The following ABCA2 variants were observed in gnomAD, a reference collection of about 807,000 sequenced individuals.
ABCA2 encodes ATP binding cassette subfamily A member 2.
A neutral mutation model predicts 262.8 loss-of-function variants in ABCA2; 84 were observed. The observed-to-expected ratio is 0.32, with a 90% CI of 0.27 to 0.38. ABCA2 has a LOEUF of 0.38. ABCA2 is among the 10% of genes least tolerant of loss of function. ABCA2 has a pLI of 1.00. For missense variants in ABCA2, 2,662 were observed against 3,405.9 expected, an observed-to-expected ratio of 0.78 and a Z score of 5.44; for synonymous variants, 1,696 against 1,502.9, an observed-to-expected ratio of 1.13 and a Z score of -2.97.
At chr9:137,027,855 C>G (rs1831706356) in intron 1 of ABCA2, 1 of 153,624 alleles carries the variant, frequency 6.5e-6, no homozygotes, top group South Asian at 2.1e-4. Context: ...TGTCAGCGGA[C>G]GCGGGACCGG....
chr9:137,010,229 C>T lies in ABCA2; in HGVS notation c.6317G>A (p.Ser2106Asn), dbSNP rs747681065. The T allele has an allele frequency of 4.3e-5, 69 of 1,604,886 alleles. No individual in the cohort carries two copies. Among genetic ancestry groups the T allele is most frequent in the Non-Finnish European group, 5.9e-5 (69 of 1,177,742 alleles). ...STFKMLTGDESTTGGEAFVNG... is the reference protein window; with the variant it reads ...STFKMLTGDENTTGGEAFVNG... ...GACGAAGGCCTCGCCCCCCGTCGTG[C>T]TCTCGTCGCCGGTCAGCATCTTGAA... Residue 2106 changes from serine to asparagine, a missense_variant, in exon 41 of 49, where the codon AGC becomes AAC. Transcript: ENST00000341511.
At chr9:137,012,051 G>A (rs373250757) in intron 34 of ABCA2, 33 bp from the exon 35 acceptor site, 65 of 1,612,296 alleles carry the variant, frequency 4.0e-5, no homozygotes, top group African/African-American at 1.2e-4. Context: ...CCTCACGGCC[G>A]GGGCTGCAGT....
chr9:137,009,332 G>GGCCCCCCCCCCCCCCC, intron 45 of ABCA2, 38 bp downstream of exon 45: 17 of 980,400 alleles, frequency 1.7e-5, no homozygotes, highest in Non-Finnish European at 2.3e-5. Flanking sequence ...CCCCCCCCGG[G>GGCCCCCCCCCCCCCCC]CCCGCCCCAG....
intron 24 of ABCA2, 147 bp from the exon 25 acceptor site, chr9:137,015,244 G>A (rs1159296122): frequency 1.7e-5 from 21 of 1,212,496 alleles, no homozygotes; most frequent in South Asian, 1.7e-4. Flanking sequence ...GTGACGCTGA[G>A]GACCCAGCCT....
At chr9:137,028,867 C>T (rs547612173), upstream of ABCA2, 29 of 1,327,306 alleles carry the variant, frequency 2.2e-5, no homozygotes, top group African/African-American at 3.9e-4. The surrounding 1 kb of genome is among the most constrained non-coding windows in gnomAD (Gnocchi z 6.9). Flanking sequence ...TCGTTTTTCT[C>T]CCCATATTCG....
intron 17 of ABCA2, 74 bp from the exon 18 acceptor site, chr9:137,017,420 C>G (rs1347042180): frequency 6.2e-6 from 10 of 1,601,556 alleles, no homozygotes; most frequent in Non-Finnish European, 8.5e-6. Context: ...GTGCCAGGGT[C>G]CAGGGGGCTC....
In ABCA2 at chr9:137,007,733, C is replaced by T; in HGVS notation, c.*196G>A. 1 of 740,378 alleles carries T rather than the reference C, an allele frequency of 1.4e-6. No homozygotes were observed. Among genetic ancestry groups the T allele is most frequent in the Admixed American group, 2.4e-5 (1 of 41,588 alleles). The allele number at this position is 740,378 out of a possible 1,614,324, so 45.9% of individuals were successfully genotyped here. On this transcript the variant is annotated 3_prime_UTR_variant, in exon 49 of 49. Transcript: ENST00000341511. ...CAGCCCGGGCCGGGTCAGCCTTTGG[C>T]ACAATTAGGGGCGGCAACCGCAGTG... is the stretch of plus-strand genomic sequence containing the variant.
intron 24 of ABCA2, 133 bp downstream of exon 24, chr9:137,015,281 C>A: frequency 1.6e-6 from 2 of 1,245,900 alleles, no homozygotes. Flanking sequence ...TTGCAGAGGG[C>A]GGGCCAGGCC....
At position 137,011,276 on chromosome 9, in the gene ABCA2, A is replaced by C; in HGVS notation, c.5833T>G (p.Cys1945Gly). 6.2e-7 allele frequency: 1 copy of C among 1,612,458 alleles called. No individual in the cohort carries two copies. The highest frequency in any genetic ancestry group is 1.1e-5 in the South Asian group (1 of 91,086). ...TTGTAGTTGGGGAAAATGAGGAAGC[A>C]GCTTTTCAGGTAACTGTTGACAACC... ...LKVVNSYLKS[C>G]FLIFPNYNLG... The change falls in exon 38 of 49, where the codon TGC (cysteine) becomes GGC (glycine). Residue 1945 changes from cysteine to glycine, a missense_variant. This residue lies in a region of ABCA2 where 602 missense variants were observed against 897.4 expected (regional missense o/e 0.67). Transcript: ENST00000341511. The surrounding 1 kb of genome is among the most constrained non-coding windows in gnomAD (Gnocchi z 8.8).
chr9:137,019,426 T>G lies in ABCA2; in HGVS notation c.1426-120A>C. The G allele has an allele frequency of 1.8e-6, 1 of 541,064 alleles. No homozygotes were observed. Among genetic ancestry groups the G allele is most frequent in the Non-Finnish European group, 2.5e-6 (1 of 398,090 alleles). The allele number at this position is 541,064 out of a possible 1,614,324, so 33.5% of individuals were successfully genotyped here. ...TGCCAACAACTAACCCTCCCCACCT[T>G]TTTTTTTTTTTTTTTCCTGAGACAG... On this transcript the variant is annotated intron_variant, in intron 10 of 48. Coordinates refer to ENST00000341511, the MANE Select transcript of ABCA2 (RefSeq NM_001606.5). The surrounding 1 kb of genome is among the most constrained non-coding windows in gnomAD (Gnocchi z 4.4).
rs1490994486 is a variant in ABCA2, at chr9:137,020,350, G to A, written c.1411C>T (p.Arg471Cys). ...GACCCGTGCACCTTGAGGATGACGC[G>A]GTCGACCTCAGAGCCCGCAGGCGCG... ...LYAPAGSEVD[R>C]VILKANETFA... The change falls in exon 10 of 49, where the codon CGC becomes TGC. Residue 471 changes from arginine (R) to cysteine (C), a missense_variant. Physicochemically the swap from Arg to Cys is radical, Grantham distance 180. Around this residue, in one of 12 missense-constraint regions of ABCA2, gnomAD observed 92 missense variants for 146.7 expected, o/e 0.63. Transcript: ENST00000341511. 9 of 1,612,668 alleles carry A rather than the reference G, an allele frequency of 5.6e-6. No homozygotes were observed. The highest frequency in any genetic ancestry group is 2.2e-5 in the East Asian group (1 of 44,880).
chr9:137,022,101 G>A (rs1399672140), intron 6 of ABCA2, 100 bp from the exon 7 acceptor site: 2 of 700,994 alleles, frequency 2.9e-6, no homozygotes, highest in Non-Finnish European at 4.6e-6. Context: ...GGCTTAGATG[G>A]TGGGGGCGTG....
chr9:137,011,416 C>T lies in ABCA2; in HGVS notation c.5790G>A (p.Glu1930=). Residue 1930 remains glutamate, a synonymous_variant, in exon 37 of 49, where the codon GAG becomes GAA. Coordinates refer to ENST00000341511, the MANE Select transcript of ABCA2 (RefSeq NM_001606.5). This position sits in a 1 kb window ranked among gnomAD's most constrained non-coding sequence, Gnocchi z 8.8. ...GTCGTCACCGCCCCACCTTGTCGTGCTCGAAGAGCTGTAGCAGGAAGGTGG... is the reference window on the plus strand; with the variant it reads ...GTCGTCACCGCCCCACCTTGTCGTGTTCGAAGAGCTGTAGCAGGAAGGTGG... ...TVATFLLQLF[E]HDKDLKVVNS... The T allele has an allele frequency of 6.2e-7, 1 of 1,610,964 alleles. No individual in the cohort carries two copies. Among genetic ancestry groups the T allele is most frequent in the Non-Finnish European group, 8.5e-7 (1 of 1,179,146 alleles).
At chr9:137,018,648 G>A in intron 13 of ABCA2, 71 bp downstream of exon 13, 4 of 1,330,572 alleles carry the variant, frequency 3.0e-6, no homozygotes, top group Non-Finnish European at 4.1e-6. Flanking sequence ...GGGCACAGGG[G>A]GACGGGTGGG....
Position 137,012,910 on chromosome 9 carries a change from G to T in ABCA2, c.4883C>A (p.Ala1628Glu). The T allele has an allele frequency of 6.5e-7, 1 of 1,528,804 alleles. No individual in the cohort carries two copies. The highest frequency in any genetic ancestry group is 8.8e-7 in the Non-Finnish European group (1 of 1,136,642). 94.7% of individuals were successfully genotyped at this position (1,528,804 alleles called of 1,614,324 possible). The change falls in exon 31 of 49, where the codon GCA (alanine) becomes GAA (glutamate). Residue 1628 changes from alanine to glutamate, a missense_variant. Ala to Glu is a moderately radical substitution (Grantham distance 107, BLOSUM62 -1). Transcript: ENST00000341511. ...CCGTACCAGGCGCGGCAGGGAGGGT[G>T]CCGACGTCCACATTTCTGTGGGCAC... ...PTAGPEMWTSAPSLPRLVREP... is the reference protein window; with the variant it reads ...PTAGPEMWTSEPSLPRLVREP...
intron 39 of ABCA2, 103 bp downstream of exon 39, chr9:137,010,870 C>T: frequency 8.7e-7 from 1 of 1,152,560 alleles, no homozygotes; most frequent in Non-Finnish European, 1.2e-6. Context: ...TGCCTCACCC[C>T]CTCCTGCCCC....
At position 137,022,954 on chromosome 9, in the gene ABCA2, A is replaced by T; in HGVS notation, c.262T>A (p.Tyr88Asn). The change falls in exon 4 of 49, where the codon TAC (tyrosine) becomes AAC (asparagine). Residue 88 changes from tyrosine to asparagine, a missense_variant. By Grantham distance (143) the Tyr-to-Asn change is moderately radical. Around this residue, in one of 12 missense-constraint regions of ABCA2, gnomAD observed 101 missense variants for 152.3 expected, o/e 0.66. Transcript: ENST00000341511. ...GTGGGCACTCACGTGGAGTTGGCGT[A>T]CTGCAGGAAGCCGAACTCGTCTCGC... is the stretch of plus-strand genomic sequence containing the variant. ...GQRDEFGFLQ[Y>N]ANSTVTQLLE... 2 of 1,580,008 alleles carry T rather than the reference A, an allele frequency of 1.3e-6. No individual in the cohort carries two copies. The highest frequency in any genetic ancestry group is 1.7e-6 in the Non-Finnish European group (2 of 1,164,118).
At position 137,019,390 on chromosome 9, in the gene ABCA2, G is replaced by A. The variant is rs1388708868; in HGVS notation, c.1426-84C>T. Reference sequence around the variant, plus strand: ...CTCTCACCCCACTCACCTCCCCAGTGGCTGGTCCATTGCCAACAACTAACC... The same window carrying A: ...CTCTCACCCCACTCACCTCCCCAGTAGCTGGTCCATTGCCAACAACTAACC... On this transcript the variant is annotated intron_variant, in intron 10 of 48. Coordinates refer to ENST00000341511, the MANE Select transcript of ABCA2 (RefSeq NM_001606.5). This position sits in a 1 kb window ranked among gnomAD's most constrained non-coding sequence, Gnocchi z 4.4. 10 of 1,522,840 alleles carry A rather than the reference G, an allele frequency of 6.6e-6. No homozygotes were observed. The highest frequency in any genetic ancestry group is 8.9e-6 in the Non-Finnish European group (10 of 1,124,744). 94.3% of individuals were successfully genotyped at this position (1,522,840 alleles called of 1,614,324 possible).
Position 137,009,403 on chromosome 9 carries a change from C to T in ABCA2, c.6794G>A (p.Arg2265Gln), listed in dbSNP as rs377538675. Residue 2265 changes from arginine (R) to glutamine (Q), a missense_variant, in exon 45 of 49, where the codon CGG (arginine) becomes CAG (glutamine). By Grantham distance (43) the Arg-to-Gln change is conservative (BLOSUM62 1). This residue lies in a region of ABCA2 where 602 missense variants were observed against 897.4 expected (regional missense o/e 0.67). Coordinates refer to ENST00000341511, the MANE Select transcript of ABCA2 (RefSeq NM_001606.5). ...RLAIMVNGRL[R>Q]CLGSIQHLKN... ...CAGGTGCTGGATGCTGCCCAGGCAC[C>T]GCAGGCGACCGTTCACCATGATGGC... 36 of 1,605,068 alleles carry T rather than the reference C, an allele frequency of 2.2e-5. No homozygotes were observed. Among genetic ancestry groups the T allele is most frequent in the South Asian group, 1.7e-4 (15 of 90,858 alleles).
Sources: gnomAD v4.1 joint callset for allele counts on GRCh38, gnomAD v4.1.1 for gene constraint, gnomAD v4.1.1 regional missense constraint, Gnocchi (gnomAD v3.1) non-coding constraint, MANE v1.5 for transcripts, NCBI Gene and HGNC (gene_info 2026-07-23, HGNC 2026-07-21) for gene names.